DENND6A: variants seen among roughly 807,000 people sequenced by gnomAD.
DENND6A encodes protein DENND6A.
In DENND6A, 43 loss-of-function variants were observed where a neutral mutation model predicts 95.5. That is an observed-to-expected ratio of 0.45 (90% confidence interval 0.35 to 0.58). The LOEUF (loss-of-function observed/expected upper bound fraction) is 0.58, where lower values mean the gene tolerates loss of function less well. Among genes scored for constraint, DENND6A ranks in the 20% least tolerant of loss-of-function variants. The probability of loss-of-function intolerance (pLI) is 0.00; values close to 1 mark genes in which losing one functional copy is unlikely to be tolerated. For synonymous variants in DENND6A, 257 were observed against 260.4 expected (o/e 0.99, Z 0.13); for missense variants, 574 against 736.0 (o/e 0.78, Z 2.55).
At chr3:57,631,657 G>C (rs970372446) in intron 15 of DENND6A, among the ~76,000 whole-genome samples, 5 of 150,958 alleles carry the variant, frequency 3.3e-5, no homozygotes, top group African/African-American at 1.2e-4. Flanking sequence ...TAAATAACCT[G>C]ACCAAGGTAA....
At chr3:57,648,645 C>CATGG (rs1166311551) in intron 9 of DENND6A, among the ~76,000 whole-genome samples, 1 of 152,164 alleles carries the variant, frequency 6.6e-6, no homozygotes, top group African/African-American at 2.4e-5. Flanking sequence ...ATCAAAACAG[C>CATGG]ATGGTACTGG....
intron 12 of DENND6A, among the ~76,000 whole-genome samples, chr3:57,638,546 G>A (rs888807075): frequency 2.6e-5 from 4 of 151,794 alleles, no homozygotes; most frequent in Admixed American, 6.6e-5. Flanking sequence ...TAATCTCAGC[G>A]ACTCGGGGAG....
At chr3:57,639,522 G>A (rs1007004948) in intron 12 of DENND6A, among the ~76,000 whole-genome samples, 1 of 152,186 alleles carries the variant, frequency 6.6e-6, no homozygotes, top group African/African-American at 2.4e-5. Context: ...CCATGAAAAT[G>A]TCAAGATTAA....
chr3:57,634,412 G>A (rs556685133), intron 14 of DENND6A, 146 bp downstream of exon 14: 1 of 356,536 alleles, frequency 2.8e-6, no homozygotes, highest in East Asian at 4.9e-5. Context: ...CAGCCTGGGT[G>A]ATAGAGTGAG....
rs1322157766 is a variant in DENND6A, at chr3:57,657,751, G to C, written c.763-16C>G. ...TTGTGTCCACCTGAGAGATAGAAAA[G>C]AAAAATAAAAGAAGGTATCACCAAA... is the stretch of plus-strand genomic sequence containing the variant. On this transcript the variant is annotated splice_polypyrimidine_tract_variant and intron_variant, in intron 8 of 19. Coordinates refer to ENST00000311128, the MANE Select transcript of DENND6A (RefSeq NM_152678.3). The C allele has an allele frequency of 6.5e-7, 1 of 1,541,030 alleles. No individual in the cohort carries two copies. The highest frequency in any genetic ancestry group is 1.9e-5 in the Admixed American group (1 of 51,704).
At chr3:57,650,983 C>G (rs950970736) in intron 9 of DENND6A, among the ~76,000 whole-genome samples, 2 of 152,074 alleles carry the variant, frequency 1.3e-5, no homozygotes, top group Non-Finnish European at 2.9e-5. Context: ...GGGGTTTCTC[C>G]ATGCCAGTCA....
At chr3:57,680,509 C>CT (rs2077154759) in intron 1 of DENND6A, among the ~76,000 whole-genome samples, 1 of 152,196 alleles carries the variant, frequency 6.6e-6, no homozygotes, top group Non-Finnish European at 1.5e-5. Context: ...AAAGAGTACC[C>CT]TCACCAAACC....
At chr3:57,639,613 TCAGA>T (rs1211807388) in intron 12 of DENND6A, among the ~76,000 whole-genome samples, 1 of 152,194 alleles carries the variant, frequency 6.6e-6, no homozygotes, top group Non-Finnish European at 1.5e-5. Flanking sequence ...TCATTAATAC[TCAGA>T]CAGAACAGTA....
intron 3 of DENND6A, among the ~76,000 whole-genome samples, chr3:57,669,669 C>T (rs535089389): frequency 4.8e-4 from 73 of 150,816 alleles, no homozygotes; most frequent in African/African-American, 1.7e-3. Context: ...GAGTGGAGAT[C>T]GCGCCACTGC....
chr3:57,667,953 C>G (rs1296281024), intron 3 of DENND6A, among the ~76,000 whole-genome samples: 1 of 151,978 alleles, frequency 6.6e-6, no homozygotes, highest in East Asian at 1.9e-4. Flanking sequence ...GTAATCCCAG[C>G]TACTCAGGAG....
At chr3:57,675,496 G>A (rs954070305) in intron 1 of DENND6A, among the ~76,000 whole-genome samples, 14 of 152,168 alleles carry the variant, frequency 9.2e-5, no homozygotes, top group African/African-American at 3.4e-4. Context: ...ATTATCTGCA[G>A]TTTAAGAAAC....
chr3:57,630,847 T>C, intron 16 of DENND6A, 23 bp from the exon 17 acceptor site: 3 of 1,610,304 alleles, frequency 1.9e-6, no homozygotes, highest in Non-Finnish European at 2.5e-6. Context: ...ACATATAATA[T>C]TTAGAAATTA....
chr3:57,646,276 C>A (rs747584714), intron 10 of DENND6A, 40 bp downstream of exon 10: 19 of 1,581,442 alleles, frequency 1.2e-5, no homozygotes, highest in Admixed American at 9.6e-5. Context: ...ACTGCAGCAT[C>A]CAAAAAAAAA....
chr3:57,674,280 G>A (rs899677293), intron 1 of DENND6A, among the ~76,000 whole-genome samples: 4 of 152,086 alleles, frequency 2.6e-5, no homozygotes, highest in African/African-American at 7.2e-5. Flanking sequence ...AGCTGAGGCA[G>A]GAGAATGGCG....
chr3:57,628,567 T>A (rs141033414), intron 19 of DENND6A, among the ~76,000 whole-genome samples: 1 of 152,190 alleles, frequency 6.6e-6, no homozygotes, highest in Non-Finnish European at 1.5e-5. Context: ...CCTAGAAATA[T>A]AAGTGACAAT....
chr3:57,668,291 T>C (rs565803391), intron 3 of DENND6A, among the ~76,000 whole-genome samples: 2 of 152,260 alleles, frequency 1.3e-5, no homozygotes, highest in African/African-American at 4.8e-5. Flanking sequence ...AAGAAATGTG[T>C]TGAGACGAAT....
At chr3:57,673,213 C>CAAAAAAAAAAAAAAAAAAAAAAAAAAAA (rs386396751) in intron 1 of DENND6A, among the ~76,000 whole-genome samples, 9 of 70,654 alleles carry the variant, frequency 1.3e-4, no homozygotes, top group East Asian at 8.0e-4. Context: ...CATTTCGTAT[C>CAAAAAAAAAAAAAAAAAAAAAAAAAAAA]AAAAAAAAAA....
At chr3:57,663,110 C>T (rs1486815125) in intron 5 of DENND6A, among the ~76,000 whole-genome samples, 1 of 143,864 alleles carries the variant, frequency 7.0e-6, no homozygotes, top group Admixed American at 7.1e-5. Context: ...GAGATCACAC[C>T]ACTGAACTCC....
chr3:57,660,754 T>C lies in DENND6A; in HGVS notation c.699+6A>G. ...AAAAGGAGACAATTGAGATATAAGA[T>C]ATTACCTTCATTACCACCCCCATGA... On this transcript the variant is annotated splice_donor_region_variant and intron_variant, in intron 7 of 19. Transcript: ENST00000311128. The C allele has an allele frequency of 6.2e-7, 1 of 1,600,580 alleles. No homozygotes were observed. The highest frequency in any genetic ancestry group is 1.1e-5 in the South Asian group (1 of 88,798).
Sources: allele counts gnomAD v4.1 joint callset (sites outside exome capture counted in the v4.1 genomes callset), GRCh38; gene constraint gnomAD v4.1.1; transcripts MANE v1.5; gene names NCBI Gene and HGNC (gene_info 2026-07-23, HGNC 2026-07-21).